The following CTNNAL1 variants were observed in gnomAD, a reference collection of about 807,000 sequenced individuals.
CTNNAL1 encodes catenin alpha like 1.
A neutral mutation model predicts 93.6 loss-of-function variants in CTNNAL1; 69 were observed. The ratio of observed to expected loss-of-function variants is 0.74; its 90% confidence interval spans 0.61 to 0.90. CTNNAL1 has a LOEUF of 0.90. CTNNAL1 is among the 40% of genes least tolerant of loss of function. CTNNAL1 has a pLI of 0.00. For missense variants in CTNNAL1, 836 were observed against 862.0 expected, an observed-to-expected ratio of 0.97 and a Z score of 0.38; for synonymous variants, 286 against 305.4, an observed-to-expected ratio of 0.94 and a Z score of 0.66.
Position 108,955,838 on chromosome 9 carries a change from C to T in CTNNAL1, c.1592-11G>A. On this transcript the variant is annotated splice_polypyrimidine_tract_variant and intron_variant, in intron 11 of 18. Coordinates refer to ENST00000325551, the MANE Select transcript of CTNNAL1 (RefSeq NM_003798.4). ...AGCCATACTTCTCTCCTACAAATAA[C>T]ACATATAACTTAAAAAATTTTTTCT... 2.6e-6 allele frequency: 4 copies of T among 1,565,890 alleles called. No individual in the cohort carries two copies. The highest frequency in any genetic ancestry group is 3.5e-6 in the Non-Finnish European group (4 of 1,157,878).
chr9:108,947,285 G>A (rs943737264), intron 15 of CTNNAL1, among the ~76,000 whole-genome samples: 14 of 151,906 alleles, frequency 9.2e-5, no homozygotes, highest in African/African-American at 2.4e-4. Flanking sequence ...AGCGAATTTT[G>A]TGTATTTTTA....
chr9:108,957,500 G>C (rs960497356), intron 11 of CTNNAL1, among the ~76,000 whole-genome samples: 1 of 152,184 alleles, frequency 6.6e-6, no homozygotes, highest in South Asian at 2.1e-4. Context: ...CTGTTACTAA[G>C]AGTGAGTTAA....
rs145040656 is a variant in CTNNAL1, at chr9:108,977,024, C to T, written c.1126G>A (p.Ala376Thr). The change falls in exon 8 of 19, where the codon GCT becomes ACT. Residue 376 changes from alanine to threonine, a missense_variant. By Grantham distance (58) the Ala-to-Thr change is moderately conservative. Transcript: ENST00000325551. ...AAAATACTGAGTTCCAGTTCTTCAG[C>T]GATGCTTTTTGTTTTCTTGCTTTGC... ...QAQSKKTKSIAEELELSILKI... is the reference protein window; with the variant it reads ...QAQSKKTKSITEELELSILKI... 1.3e-4 allele frequency: 199 copies of T among 1,533,372 alleles called. No individual in the cohort carries two copies. Among genetic ancestry groups the T allele is most frequent in the Non-Finnish European group, 6.7e-5 (76 of 1,140,748 alleles). 95.0% of individuals were successfully genotyped at this position (1,533,372 alleles called of 1,614,324 possible). A position where few individuals can be genotyped will look rare whatever the true frequency, so the allele number is the denominator to read the frequency against.
intron 17 of CTNNAL1, 24 bp from the exon 18 acceptor site, chr9:108,943,068 AT>A: frequency 6.3e-7 from 1 of 1,582,594 alleles, no homozygotes; most frequent in South Asian, 1.2e-5. Context: ...AAGCATGCAA[AT>A]GATATTCTAA....
chr9:109,003,868 T>C (rs1034175974), intron 1 of CTNNAL1, among the ~76,000 whole-genome samples: 2 of 152,198 alleles, frequency 1.3e-5, no homozygotes, highest in African/African-American at 4.8e-5. Context: ...AGGTAAACAA[T>C]TTGTGTGCAG....
Position 108,952,281 on chromosome 9 carries a change from T to C in CTNNAL1, c.1763A>G (p.Asp588Gly). Residue 588 changes from aspartate (D) to glycine (G), a missense_variant, in exon 14 of 19, where the codon GAT becomes GGT. Asp to Gly is a moderately conservative substitution (Grantham distance 94). Transcript: ENST00000325551. ...ATATTGAACAATCTCATTCTCCTGA[T>C]CTTCCCACTTCTCAATTTCGCAGTC... The part of the protein sequence containing the change: ...DADCEIEKWE[D>G]QENEIVQYGR... 6.2e-7 allele frequency: 1 copy of C among 1,614,204 alleles called. No homozygotes were observed. Among genetic ancestry groups the C allele is most frequent in the Non-Finnish European group, 8.5e-7 (1 of 1,180,026 alleles).
At chr9:108,965,754 T>C (rs1443447275) in intron 10 of CTNNAL1, among the ~76,000 whole-genome samples, 2 of 152,236 alleles carry the variant, frequency 1.3e-5, no homozygotes, top group African/African-American at 4.8e-5. Flanking sequence ...CATTATTATA[T>C]ACAAACCTGC....
chr9:108,973,082 T>C (rs535032162), intron 8 of CTNNAL1, among the ~76,000 whole-genome samples: 45 of 152,308 alleles, frequency 3.0e-4, no homozygotes, highest in Non-Finnish European at 5.6e-4. Context: ...GAGTGATATC[T>C]AATTCATCCT....
At chr9:108,943,930 C>T (rs761499232) in intron 16 of CTNNAL1, 32 bp downstream of exon 16, 13 of 1,609,502 alleles carry the variant, frequency 8.1e-6, no homozygotes, top group Non-Finnish European at 1.0e-5. Context: ...CATAATACCA[C>T]CACCAGCTCC....
intron 6 of CTNNAL1, among the ~76,000 whole-genome samples, chr9:108,982,739 A>G (rs1270964982): frequency 2.0e-5 from 3 of 152,352 alleles, no homozygotes; most frequent in Admixed American, 1.3e-4. Context: ...GTTCTAAAAC[A>G]TTACACAAAA....
At chr9:108,988,366 G>A (rs1169604249) in intron 4 of CTNNAL1, among the ~76,000 whole-genome samples, 13 of 151,972 alleles carry the variant, frequency 8.6e-5, no homozygotes, top group Admixed American at 7.2e-4. Flanking sequence ...TTACAGGCAT[G>A]AGCCACCATG....
At position 108,945,360 on chromosome 9, in the gene CTNNAL1, T is replaced by G. The variant is rs941805902; in HGVS notation, c.1885-1342A>C. On this transcript the variant is annotated intron_variant, in intron 15 of 18. Transcript: ENST00000325551. ...TATCTAAGTTAATGTAAATGCTAAG[T>G]AAATCGCAGTTATACTGTATTGTTT... 7.2e-5 allele frequency among the ~76,000 whole-genome samples: 11 copies of G among 152,348 alleles called. No homozygotes were observed. The South Asian group carries it at 1.4e-3, about 20-fold the overall frequency.
Position 108,979,415 on chromosome 9 carries a change from C to T in CTNNAL1, c.967G>A (p.Glu323Lys). The change falls in exon 7 of 19, where the codon GAA becomes AAA. Residue 323 changes from glutamate (E) to lysine (K), a missense_variant. Glu to Lys is a moderately conservative substitution (Grantham distance 56). Coordinates refer to ENST00000325551, the MANE Select transcript of CTNNAL1 (RefSeq NM_003798.4). ...QSKENLSVTL[E>K]VILERMEDFT... is the part of the protein sequence containing the mutation. ...TCCTCCATACGCTCCAAGATGACTTCCAATGTCACAGAAAGGTTCTCTTTG... is the reference window on the plus strand; with the variant it reads ...TCCTCCATACGCTCCAAGATGACTTTCAATGTCACAGAAAGGTTCTCTTTG... 1 of 1,614,126 alleles carries T rather than the reference C, an allele frequency of 6.2e-7. No individual in the cohort carries two copies. The highest frequency in any genetic ancestry group is 8.5e-7 in the Non-Finnish European group (1 of 1,180,006).
chr9:108,982,491 A>C (rs10979638), intron 6 of CTNNAL1, among the ~76,000 whole-genome samples: 11,109 of 152,236 alleles, frequency 0.073, 488 homozygotes, highest in East Asian at 0.16. Context: ...GCTGCTCACC[A>C]TCATCCTATG....
At chr9:108,969,657 CT>C (rs969043144) in intron 10 of CTNNAL1, among the ~76,000 whole-genome samples, 5 of 151,842 alleles carry the variant, frequency 3.3e-5, no homozygotes, top group African/African-American at 1.2e-4. Context: ...CTGATTGGAT[CT>C]TTTTTTCCCC....
At chr9:108,956,433 TC>T (rs1830691050) in intron 11 of CTNNAL1, among the ~76,000 whole-genome samples, 1 of 152,302 alleles carries the variant, frequency 6.6e-6, no homozygotes, top group African/African-American at 2.4e-5. Context: ...CTTTACAACT[TC>T]CAGGTCATGT....
At chr9:108,996,799 G>A (rs1355669755) in intron 2 of CTNNAL1, among the ~76,000 whole-genome samples, 1 of 151,312 alleles carries the variant, frequency 6.6e-6, no homozygotes, top group African/African-American at 2.4e-5. Context: ...CTGTTGAATT[G>A]TCCATTATGT....
intron 11 of CTNNAL1, 83 bp from the exon 12 acceptor site, chr9:108,955,910 TTAAA>T (rs1320409545): frequency 1.9e-5 from 16 of 828,416 alleles, no homozygotes; most frequent in Middle Eastern, 7.2e-4. Context: ...AAAGTATTAA[TTAAA>T]CAAACAGGAA....
rs1831538001 is a variant in CTNNAL1, at chr9:108,984,436, CCT to C, written c.640-2_640-1del. 1 of 1,580,858 alleles carries C rather than the reference CCT, an allele frequency of 6.3e-7. No individual in the cohort carries two copies. Among genetic ancestry groups the C allele is most frequent in the African/African-American group, 1.3e-5 (1 of 74,090 alleles). On this transcript the variant is annotated splice_acceptor_variant, in intron 4 of 18. Coordinates refer to ENST00000325551, the MANE Select transcript of CTNNAL1 (RefSeq NM_003798.4). LOFTEE classifies it high-confidence loss of function. ...GCCTTTTTCTTTTCATCTTTCAAATCCTAAATATGAAATAAAATCACGGAGGA... is the reference window on the plus strand; with the variant it reads ...GCCTTTTTCTTTTCATCTTTCAAATCAAATATGAAATAAAATCACGGAGGA...
Sources: gnomAD v4.1 joint callset for allele counts (sites outside exome capture counted in the v4.1 genomes callset) on GRCh38, gnomAD v4.1.1 for gene constraint, MANE v1.5 for transcripts, NCBI Gene and HGNC (gene_info 2026-07-23, HGNC 2026-07-21) for gene names.